FOXP2: variants seen among roughly 807,000 people sequenced by gnomAD.
FOXP2 encodes the protein forkhead box P2.
In FOXP2, 12 loss-of-function variants were observed where a neutral mutation model predicts 115.8. That is an observed-to-expected ratio of 0.10 (90% CI 0.07 to 0.17). The LOEUF is 0.17. Ranked by LOEUF, FOXP2 falls within the 10% of genes least tolerant of loss-of-function variation. FOXP2 has a pLI of 1.00. For synonymous variants in FOXP2, 328 were observed against 297.7 expected, an observed-to-expected ratio of 1.10 and a Z score of -1.05; for missense variants, 629 against 843.5, an observed-to-expected ratio of 0.75 and a Z score of 3.15.
intron 1 of FOXP2, among the ~76,000 whole-genome samples, chr7:114,106,848 C>A (rs1176823662): frequency 2.0e-5 from 3 of 151,826 alleles, no homozygotes; most frequent in East Asian, 1.9e-4. Context: ...ATAGAATATT[C>A]TTTTTTTAAT....
intron 10 of FOXP2, among the ~76,000 whole-genome samples, chr7:114,654,994 C>G (rs1300600463): frequency 6.6e-6 from 1 of 152,066 alleles, no homozygotes; most frequent in East Asian, 1.9e-4. Context: ...TAAGCTATTT[C>G]TGCTTTTCCT....
chr7:114,302,474 C>A (rs959580608), intron 2 of FOXP2, among the ~76,000 whole-genome samples: 3 of 152,052 alleles, frequency 2.0e-5, no homozygotes, highest in African/African-American at 7.2e-5. Context: ...GGAGGTAATA[C>A]TATCATTTAT....
At chr7:114,625,683 G>A (rs999036983) in intron 3 of FOXP2, among the ~76,000 whole-genome samples, 5 of 151,770 alleles carry the variant, frequency 3.3e-5, no homozygotes, top group Admixed American at 6.6e-5. Context: ...ACTTAAAAAT[G>A]AAGGCTATGC....
chr7:114,569,046 C>T (rs1014841289), intron 3 of FOXP2, among the ~76,000 whole-genome samples: 10 of 151,820 alleles, frequency 6.6e-5, no homozygotes, highest in East Asian at 3.9e-4. Context: ...AACAGTGTCA[C>T]GGCAGATTTG....
chr7:114,111,463 T>C (rs919963032), intron 1 of FOXP2, among the ~76,000 whole-genome samples: 5 of 152,116 alleles, frequency 3.3e-5, no homozygotes, highest in African/African-American at 1.2e-4. Context: ...TAACACAGAA[T>C]TGTGAGGAAT....
intron 2 of FOXP2, among the ~76,000 whole-genome samples, chr7:114,399,377 G>A (rs1006926576): frequency 6.6e-6 from 1 of 152,008 alleles, no homozygotes; most frequent in Non-Finnish European, 1.5e-5. Context: ...CAAAGTGCTA[G>A]GATTACAGGT....
At chr7:114,516,103 TCAACCCTAAGC>T (rs1442667157) in intron 2 of FOXP2, among the ~76,000 whole-genome samples, 1 of 152,046 alleles carries the variant, frequency 6.6e-6, no homozygotes, top group Non-Finnish European at 1.5e-5. Context: ...CATCGCCAAG[TCAACCCTAAGC>T]CAAAAGAACA....
At chr7:114,527,411 A>G (rs1452250276) in intron 2 of FOXP2, among the ~76,000 whole-genome samples, 2 of 151,824 alleles carry the variant, frequency 1.3e-5, no homozygotes, top group Non-Finnish European at 2.9e-5. Context: ...CGTCCTCACA[A>G]TTCATTGTCT....
rs767129922 is a variant in FOXP2, at chr7:114,471,795, CA to C, written c.168+45131del. On this transcript the variant is annotated intron_variant, in intron 2 of 16. Coordinates refer to ENST00000350908, the MANE Select transcript of FOXP2 (RefSeq NM_014491.4). ...TGAAACCCCATCTCCACTAAAAATACAAAAAAAAAAAAAAATTAGCTGGGCA... is the reference window on the plus strand; with the variant it reads ...TGAAACCCCATCTCCACTAAAAATACAAAAAAAAAAAAAATTAGCTGGGCA... 9.1e-3 allele frequency among the ~76,000 whole-genome samples: 1,106 copies of C among 121,252 alleles called. 4 individuals carry two copies. Among genetic ancestry groups the C allele is most frequent in the Middle Eastern group, 0.038 (9 of 238 alleles). 79.5% of individuals were successfully genotyped at this position (121,252 alleles called of 152,430 possible).
intron 2 of FOXP2, among the ~76,000 whole-genome samples, chr7:114,483,404 C>T (rs1318663700): frequency 6.6e-6 from 1 of 151,654 alleles, no homozygotes; most frequent in African/African-American, 2.4e-5. Flanking sequence ...AATCTCACAA[C>T]CAATCTCAAG....
chr7:114,457,372 T>A (rs1795355328), intron 2 of FOXP2, among the ~76,000 whole-genome samples: 1 of 152,256 alleles, frequency 6.6e-6, no homozygotes, highest in East Asian at 1.9e-4. Flanking sequence ...AAAGGTTAAG[T>A]TCTCTACTTT....
rs1372674307 is a variant in FOXP2 at position 114,498,952 on chromosome 7, A to C, written c.169-35665A>C. 1.3e-5 allele frequency: 9 copies of C among 717,764 alleles called. No individual in the cohort carries two copies. The East Asian group carries it at 2.4e-4, about 19-fold the overall frequency. The allele number at this position is 717,764 out of a possible 1,614,324, so 44.5% of individuals were successfully genotyped here. On this transcript the variant is annotated intron_variant, in intron 2 of 16. Coordinates refer to ENST00000350908, the MANE Select transcript of FOXP2 (RefSeq NM_014491.4). The stretch of plus-strand genomic sequence containing the variant: ...GATCTATACTTAACTGATGACCTAG[A>C]AGAGCGATTCTCAAAAGTGTGAGTC...
At chr7:114,650,329 A>G (rs1165040180) in intron 8 of FOXP2, among the ~76,000 whole-genome samples, 1 of 152,074 alleles carries the variant, frequency 6.6e-6, no homozygotes, top group Non-Finnish European at 1.5e-5. Context: ...TCCTGCATTT[A>G]CACCCTAATC....
In FOXP2 at chr7:114,582,728, G is replaced by T. The variant is rs915684060; in HGVS notation, c.259-45812G>T. Among the ~76,000 whole-genome samples, 10 of 152,152 alleles carry T rather than the reference G, an allele frequency of 6.6e-5. No homozygotes were observed. The South Asian group carries it at 2.1e-3, about 32-fold the overall frequency. Reference sequence around the variant, plus strand: ...AATTTTTGGTAATTAATAAAATAAAGCTTTTCAAATTTTAGAAAAACCTTT... The same window carrying T: ...AATTTTTGGTAATTAATAAAATAAATCTTTTCAAATTTTAGAAAAACCTTT... On this transcript the variant is annotated intron_variant, in intron 3 of 16. Coordinates refer to ENST00000350908, the MANE Select transcript of FOXP2 (RefSeq NM_014491.4).
intron 1 of FOXP2, among the ~76,000 whole-genome samples, chr7:114,114,012 A>G (rs2129142631): frequency 6.6e-6 from 1 of 152,208 alleles, no homozygotes; most frequent in South Asian, 2.1e-4. Flanking sequence ...AAAGAATTTA[A>G]GAGAATTATA....
intron 2 of FOXP2, among the ~76,000 whole-genome samples, chr7:114,303,355 T>C (rs1374409918): frequency 6.6e-6 from 1 of 152,154 alleles, no homozygotes; most frequent in Non-Finnish European, 1.5e-5. Context: ...TTAAGACATG[T>C]TTGGGAAATA....
At chr7:114,171,001 G>A (rs1083153) in intron 1 of FOXP2, among the ~76,000 whole-genome samples, 131,350 of 152,192 alleles carry the variant, frequency 0.86, 57,105 homozygotes, top group Non-Finnish European at 0.92. Flanking sequence ...AGTGAGGTCA[G>A]TGCCTGGCGT....
chr7:114,258,344 G>A (rs1422064071), intron 1 of FOXP2, among the ~76,000 whole-genome samples: 3 of 152,154 alleles, frequency 2.0e-5, no homozygotes, highest in East Asian at 1.9e-4. Flanking sequence ...ATTGGTTAAT[G>A]TTCCTATGCA....
chr7:114,628,825 T>A (rs949701105), intron 4 of FOXP2, 148 bp downstream of exon 4: 9 of 939,398 alleles, frequency 9.6e-6, no homozygotes, highest in Admixed American at 9.1e-5. Context: ...ACATTTTAAT[T>A]ATAGAACTCG....
Sources: allele counts gnomAD v4.1 joint callset (sites outside exome capture counted in the v4.1 genomes callset), GRCh38; gene constraint gnomAD v4.1.1; transcripts MANE v1.5; gene names NCBI Gene and HGNC (gene_info 2026-07-23, HGNC 2026-07-21).